The following PUM1 variants were observed in gnomAD, a reference collection of about 807,000 sequenced individuals.
PUM1 encodes pumilio homolog 1.
PUM1 carries 13 observed loss-of-function variants against 131.8 expected under a neutral mutation model. The observed-to-expected ratio is 0.10, with a 90% CI of 0.06 to 0.16. The LOEUF (loss-of-function observed/expected upper bound fraction) is 0.16, where lower values mean the gene tolerates loss of function less well. Among genes scored for constraint, PUM1 ranks in the 10% least tolerant of loss-of-function variants. The pLI is 1.00. For missense variants in PUM1, 961 were observed against 1,512.4 expected (o/e 0.64, Z 6.05); for synonymous variants, 509 against 556.5 (o/e 0.91, Z 1.20).
chr1:30,960,113 T>C (rs544767843), intron 14 of PUM1, among the ~76,000 whole-genome samples: 21 of 152,282 alleles, frequency 1.4e-4, no homozygotes, highest in Admixed American at 2.6e-4. Context: ...GAAAGATGTG[T>C]GCTCTTATTT....
chr1:31,046,299 T>C lies in PUM1; in HGVS notation c.363+12905A>G, dbSNP rs185445305. ...TACTCGGGAGGCTAAGGCAGGAGAA[T>C]TGCTTGAACCCGGGAGGTGGAGGTT... On this transcript the variant is annotated intron_variant, in intron 2 of 21. Coordinates refer to ENST00000426105, the MANE Select transcript of PUM1 (RefSeq NM_001020658.2). 4.8e-3 allele frequency among the ~76,000 whole-genome samples: 733 copies of C among 151,336 alleles called. 6 individuals are homozygous for C. The highest frequency in any genetic ancestry group is 0.016 in the African/African-American group (673 of 41,210).
intron 2 of PUM1, among the ~76,000 whole-genome samples, chr1:31,043,426 G>A (rs1462003489): frequency 6.6e-6 from 1 of 151,242 alleles, no homozygotes; most frequent in East Asian, 1.9e-4. Context: ...CACCATGTTG[G>A]TCAGGCTGGT....
At chr1:31,042,666 C>T (rs1643859039) in intron 2 of PUM1, among the ~76,000 whole-genome samples, 1 of 152,186 alleles carries the variant, frequency 6.6e-6, no homozygotes, top group East Asian at 1.9e-4. Flanking sequence ...GCAAAGCATA[C>T]TACCTGTAAT....
chr1:31,011,124 C>T (rs1489078572), intron 3 of PUM1, among the ~76,000 whole-genome samples: 6 of 151,626 alleles, frequency 4.0e-5, no homozygotes, highest in Admixed American at 3.9e-4. Context: ...CACTACTGCA[C>T]TCCTGCCTGG....
chr1:30,963,350 C>T (rs1167089890), intron 14 of PUM1, among the ~76,000 whole-genome samples: 6 of 152,144 alleles, frequency 3.9e-5, no homozygotes, highest in Non-Finnish European at 8.8e-5. Context: ...CCCCTGTCTA[C>T]CTATTATGGA....
At position 30,980,101 on chromosome 1, in the gene PUM1, C is replaced by T; in HGVS notation, c.1315G>A (p.Asp439Asn). 1 of 1,613,786 alleles carries T rather than the reference C, an allele frequency of 6.2e-7. No individual in the cohort carries two copies. The highest frequency in any genetic ancestry group is 1.1e-5 in the South Asian group (1 of 91,036). The change falls in exon 9 of 22, where the codon GAC becomes AAC. Residue 439 changes from aspartate to asparagine, a missense_variant. Physicochemically the swap from Asp to Asn is conservative, Grantham distance 23. Coordinates refer to ENST00000426105, the MANE Select transcript of PUM1 (RefSeq NM_001020658.2). ...GCAGCCAATCCAGCTGTGTAGGGGTCCGTCCCTGGGGGAGCAGCGCTGATG... is the reference window on the plus strand; with the variant it reads ...GCAGCCAATCCAGCTGTGTAGGGGTTCGTCCCTGGGGGAGCAGCGCTGATG... ...YIISAAPPGT[D>N]PYTAGLAAAA...
chr1:31,048,302 C>G (rs1206995483), intron 2 of PUM1, among the ~76,000 whole-genome samples: 1 of 151,334 alleles, frequency 6.6e-6, no homozygotes, highest in Non-Finnish European at 1.5e-5. Flanking sequence ...TATTACTTTA[C>G]AGTTTACAAA....
intron 18 of PUM1, among the ~76,000 whole-genome samples, chr1:30,944,990 C>T (rs959996489): frequency 6.6e-6 from 1 of 152,104 alleles, no homozygotes; most frequent in East Asian, 1.9e-4. Context: ...CCAGCAACTT[C>T]GGGAGGCTGA....
At chr1:30,951,471 T>C (rs1227027171) in intron 16 of PUM1, among the ~76,000 whole-genome samples, 2 of 152,228 alleles carry the variant, frequency 1.3e-5, no homozygotes, top group Non-Finnish European at 2.9e-5. Context: ...TTAAGACATT[T>C]ACAAATTTGT....
At chr1:30,941,418 C>T (rs1639434877) in intron 19 of PUM1, 146 bp from the exon 20 acceptor site, 1 of 747,592 alleles carries the variant, frequency 1.3e-6, no homozygotes, top group Non-Finnish European at 2.0e-6. Flanking sequence ...ATTTTTAAGA[C>T]AGGTAGTAAC....
chr1:30,957,395 C>A (rs185768599), intron 14 of PUM1, among the ~76,000 whole-genome samples: 18 of 152,140 alleles, frequency 1.2e-4, no homozygotes, highest in African/African-American at 4.3e-4. Context: ...CACAAATGTG[C>A]TTTCCGATTC....
intron 14 of PUM1, 137 bp downstream of exon 14, chr1:30,964,537 T>C (rs1640546097): frequency 1.3e-6 from 1 of 758,042 alleles, no homozygotes; most frequent in Non-Finnish European, 2.3e-6. Flanking sequence ...TAACATGAGG[T>C]ATTTACGGAA....
intron 15 of PUM1, 148 bp downstream of exon 15, chr1:30,953,566 T>C: frequency 1.2e-6 from 1 of 832,262 alleles, no homozygotes; most frequent in South Asian, 1.7e-5. Flanking sequence ...GTTTCTTAAA[T>C]CCCTATGAAA....
intron 7 of PUM1, among the ~76,000 whole-genome samples, chr1:30,985,666 AAAAG>A (rs1486508621): frequency 6.6e-6 from 1 of 151,668 alleles, no homozygotes; most frequent in Non-Finnish European, 1.5e-5. Context: ...AAAAAAAAAA[AAAAG>A]AGTCAAAATC....
chr1:30,964,597 TATGCAA>T, intron 14 of PUM1, 71 bp downstream of exon 14: 1 of 1,296,932 alleles, frequency 7.7e-7, no homozygotes, highest in Middle Eastern at 1.9e-4. Flanking sequence ...GTCCTTTGCT[TATGCAA>T]AGTTCTTGTA....
Position 30,968,334 on chromosome 1 carries a change from G to T in PUM1, c.1645+20C>A, listed in dbSNP as rs753360228. ...GCCTTTTTCCCTGCCAAAGTATTAG[G>T]AATAACAATGCAGCCGCACCTGGCA... On this transcript the variant is annotated intron_variant, in intron 11 of 21. Transcript: ENST00000426105. 104 of 1,586,298 alleles carry T rather than the reference G, an allele frequency of 6.6e-5. No homozygotes were observed. The highest frequency in any genetic ancestry group is 4.4e-4 in the Admixed American group (25 of 57,334).
At chr1:30,952,622 G>C (rs1639979580) in intron 15 of PUM1, among the ~76,000 whole-genome samples, 1 of 138,062 alleles carries the variant, frequency 7.2e-6, no homozygotes. Context: ...CATTCCAGTA[G>C]GGCATGCATA....
At chr1:31,038,984 A>ATATATATATATTT in intron 2 of PUM1, among the ~76,000 whole-genome samples, 17 of 49,414 alleles carry the variant, frequency 3.4e-4, no homozygotes, top group African/African-American at 4.1e-4. Context: ...ATATATATAT[A>ATATATATATATTT]TTTTTTTTTT....
At chr1:30,933,439 T>TACACACACATACACACAC (rs1639045590) in intron 21 of PUM1, 97 bp from the exon 22 acceptor site, 1 of 342,698 alleles carries the variant, frequency 2.9e-6, no homozygotes, top group Non-Finnish European at 5.2e-6. Flanking sequence ...CACACACACA[T>TACACACACATACACACAC]ACACACACAC....
Sources: gnomAD v4.1 joint callset for allele counts (sites outside exome capture counted in the v4.1 genomes callset) on GRCh38, gnomAD v4.1.1 for gene constraint, MANE v1.5 for transcripts, NCBI Gene and HGNC (gene_info 2026-07-23, HGNC 2026-07-21) for gene names.